EVA1A: variants seen among roughly 807,000 people sequenced by gnomAD.
EVA1A encodes eva-1 homolog A, regulator of programmed cell death.
In EVA1A, 7 loss-of-function variants were observed where a neutral mutation model predicts 9.8. The observed-to-expected ratio is 0.71, with a 90% CI of 0.41 to 1.34. EVA1A has a LOEUF of 1.34. Ranked by LOEUF, EVA1A falls within the 40% of genes most tolerant of loss-of-function variation. EVA1A has a pLI of 0.01. For missense variants in EVA1A, 206 were observed against 205.9 expected (o/e 1.00, Z 0.00); for synonymous variants, 90 against 85.6 (o/e 1.05, Z -0.28).
At chr2:75,520,633 G>C (rs940305885) in intron 2 of EVA1A, among the ~76,000 whole-genome samples, 17 of 152,136 alleles carry the variant, frequency 1.1e-4, no homozygotes, top group South Asian at 2.1e-4. Flanking sequence ...TGGAAAAACT[G>C]GATGTCCACG....
chr2:75,496,155 C>A (rs1023324881), intron 3 of EVA1A, among the ~76,000 whole-genome samples: 1 of 151,966 alleles, frequency 6.6e-6, no homozygotes, highest in African/African-American at 2.4e-5. Flanking sequence ...TCTGGGTAAA[C>A]AAAAGGTGGT....
chr2:75,548,994 ATATATATATATATATT>A (rs1676428575), intron 1 of EVA1A, among the ~76,000 whole-genome samples: 1 of 91,512 alleles, frequency 1.1e-5, no homozygotes, highest in South Asian at 3.2e-4. Flanking sequence ...ATATATATAT[ATATATATATATATATT>A]TTTTTTTTTT....
intron 1 of EVA1A, among the ~76,000 whole-genome samples, chr2:75,566,843 C>CTT (rs201793058): frequency 2.0e-5 from 3 of 147,076 alleles, no homozygotes; most frequent in African/African-American, 7.5e-5. Context: ...AAATTTGCTT[C>CTT]TTTATTTTTT....
intron 2 of EVA1A, among the ~76,000 whole-genome samples, chr2:75,520,945 G>C (rs888481801): frequency 6.6e-6 from 1 of 152,162 alleles, no homozygotes. Context: ...TAATATATCT[G>C]ATAAAGGGTT....
intron 3 of EVA1A, among the ~76,000 whole-genome samples, chr2:75,502,002 G>C (rs746125896): frequency 6.6e-6 from 1 of 152,186 alleles, no homozygotes; most frequent in East Asian, 1.9e-4. Flanking sequence ...AAATCTGTCT[G>C]GATCCCAGAG....
chr2:75,517,822 T>G (rs562209575), intron 3 of EVA1A: 105 of 724,292 alleles, frequency 1.4e-4, no homozygotes, highest in Admixed American at 3.6e-4. Context: ...CTTGAGCAGC[T>G]AAACATTTTC....
At chr2:75,557,986 T>C (rs1676780280) in intron 1 of EVA1A, among the ~76,000 whole-genome samples, 1 of 152,216 alleles carries the variant, frequency 6.6e-6, no homozygotes, top group Admixed American at 6.5e-5. Flanking sequence ...ACCCGCATAG[T>C]GTAAAGAGTA....
chr2:75,564,963 A>G (rs17011471), upstream of EVA1A, among the ~76,000 whole-genome samples: 3,259 of 152,332 alleles, frequency 0.021, 103 homozygotes, highest in African/African-American at 0.067. Context: ...AGCTGAGTGA[A>G]GGTGAAACCC....
At chr2:75,496,066 G>A (rs1422117435) in intron 3 of EVA1A, among the ~76,000 whole-genome samples, 1 of 152,160 alleles carries the variant, frequency 6.6e-6, no homozygotes. Flanking sequence ...TGTCAATGCT[G>A]AGGTGTCATA....
chr2:75,509,835 G>A (rs962196015), intron 3 of EVA1A, among the ~76,000 whole-genome samples: 17 of 151,822 alleles, frequency 1.1e-4, no homozygotes, highest in East Asian at 1.9e-4. Context: ...GGAAGTTTAC[G>A]TATACTGATT....
At chr2:75,524,634 C>G (rs1037616151) in intron 1 of EVA1A, among the ~76,000 whole-genome samples, 1 of 152,160 alleles carries the variant, frequency 6.6e-6, no homozygotes, top group East Asian at 1.9e-4. Flanking sequence ...TCCCTGACAT[C>G]TTACTTTCTC....
chr2:75,545,182 A>C (rs976070948), intron 1 of EVA1A, among the ~76,000 whole-genome samples: 1 of 152,216 alleles, frequency 6.6e-6, no homozygotes, highest in Non-Finnish European at 1.5e-5. Flanking sequence ...TATAGGAAAA[A>C]CCCAAAATAT....
intron 2 of EVA1A, chr2:75,518,622 G>A: frequency 5.1e-6 from 5 of 987,922 alleles, no homozygotes; most frequent in Non-Finnish European, 6.0e-6. Context: ...CTAATTCCCA[G>A]TAAACAATTC....
At chr2:75,508,792 G>T (rs776309802) in intron 3 of EVA1A, among the ~76,000 whole-genome samples, 1 of 152,042 alleles carries the variant, frequency 6.6e-6, no homozygotes, top group South Asian at 2.1e-4. Context: ...CGGATGCCCA[G>T]CTTTAAAATT....
At chr2:75,535,776 A>G (rs1281549892) in intron 1 of EVA1A, among the ~76,000 whole-genome samples, 2 of 152,164 alleles carry the variant, frequency 1.3e-5, no homozygotes, top group East Asian at 3.9e-4. Flanking sequence ...TTGGAGACTC[A>G]GAATGGGGAA....
intron 3 of EVA1A, chr2:75,517,715 A>C (rs1675064817): frequency 1.4e-6 from 1 of 697,308 alleles, no homozygotes; most frequent in East Asian, 2.7e-5. Flanking sequence ...ACTGCATAGA[A>C]TAACCAGGCT....
intron 3 of EVA1A, among the ~76,000 whole-genome samples, chr2:75,496,295 CT>C (rs1674209145): frequency 6.6e-6 from 1 of 152,298 alleles, no homozygotes; most frequent in South Asian, 2.1e-4. Flanking sequence ...CCTAAAAACT[CT>C]GCCAAAAGGC....
intron 1 of EVA1A, among the ~76,000 whole-genome samples, chr2:75,554,106 C>A (rs778829665): frequency 2.0e-5 from 3 of 152,158 alleles, no homozygotes; most frequent in Non-Finnish European, 2.9e-5. Flanking sequence ...TTAGGCAGCC[C>A]TTTTGATCAA....
chr2:75,556,360 G>A (rs1418426017), intron 1 of EVA1A, among the ~76,000 whole-genome samples: 2 of 152,164 alleles, frequency 1.3e-5, no homozygotes, highest in African/African-American at 2.4e-5. Flanking sequence ...CACTTAAGAG[G>A]TGCTACCCAA....
Sources: gnomAD v4.1 joint callset for allele counts (sites outside exome capture counted in the v4.1 genomes callset) on GRCh38, gnomAD v4.1.1 for gene constraint, MANE v1.5 for transcripts, NCBI Gene and HGNC (gene_info 2026-07-23, HGNC 2026-07-21) for gene names.